ADAMTS2: variants seen among roughly 807,000 people sequenced by gnomAD.
ADAMTS2 encodes the protein ADAM metallopeptidase with thrombospondin type 1 motif 2, also known as A disintegrin and metalloproteinase with thrombospondin motifs 2.
A neutral mutation model predicts 123.0 loss-of-function variants in ADAMTS2; 50 were observed. The observed-to-expected ratio is 0.41, with a 90% CI of 0.32 to 0.51. ADAMTS2 has a LOEUF of 0.51. Among genes scored for constraint, ADAMTS2 ranks in the 20% least tolerant of loss-of-function variants. ADAMTS2 has a pLI of 0.35. For missense variants in ADAMTS2, 1,494 were observed against 1,705.2 expected (o/e 0.88, Z 2.18); for synonymous variants, 678 against 695.4 (o/e 0.98, Z 0.39).
At position 179,129,006 on chromosome 5, in the gene ADAMTS2, T is replaced by C. The variant is rs1371312395; in HGVS notation, c.2458-888A>G. 6.6e-6 allele frequency among the ~76,000 whole-genome samples: 1 copy of C among 152,166 alleles called. No homozygotes were observed. Among genetic ancestry groups the C allele is most frequent in the East Asian group, 1.9e-4 (1 of 5,186 alleles). On this transcript the variant is annotated intron_variant, in intron 16 of 21. Transcript: ENST00000251582. This position sits in a 1 kb window ranked among gnomAD's most constrained non-coding sequence, Gnocchi z 4.1. ...GAAACAAGCAGACAGCGTGCTGAGT[T>C]GCTCCCACCTCCGCTGGGAACACGT...
chr5:179,329,127 A>G (rs894067479), intron 2 of ADAMTS2, among the ~76,000 whole-genome samples: 40 of 152,230 alleles, frequency 2.6e-4, no homozygotes, highest in Non-Finnish European at 4.0e-4. Flanking sequence ...GGAGATGGAG[A>G]CCATCCTGGC....
Position 179,207,506 on chromosome 5 carries a change from C to CCCCCCACAAA in ADAMTS2, c.891+6_891+7insTTTGTGGGGG. The CCCCCCACAAA allele has an allele frequency of 6.2e-7, 1 of 1,607,722 alleles. No individual in the cohort carries two copies. The highest frequency in any genetic ancestry group is 2.2e-5 in the East Asian group (1 of 44,796). On this transcript the variant is annotated splice_region_variant and intron_variant, in intron 4 of 21. Transcript: ENST00000251582. ...CCCCACCCTGCCCCCTCAGCCACCC[C>CCCCCCACAAA]ACTCACAATGTTCATGAGTGTCAGC...
intron 2 of ADAMTS2, among the ~76,000 whole-genome samples, chr5:179,309,310 C>T (rs574567210): frequency 5.1e-4 from 77 of 152,326 alleles, no homozygotes; most frequent in African/African-American, 1.8e-3. Flanking sequence ...GGAGAAAGGC[C>T]ACCTCTTCGG....
At chr5:179,190,072 GT>G (rs1410537878) in intron 4 of ADAMTS2, among the ~76,000 whole-genome samples, 4 of 152,196 alleles carry the variant, frequency 2.6e-5, no homozygotes, top group African/African-American at 9.7e-5. Context: ...TGGATCTTCA[GT>G]TGTTTCAGGC....
chr5:179,320,171 A>T (rs1757121619), intron 2 of ADAMTS2, among the ~76,000 whole-genome samples: 1 of 152,098 alleles, frequency 6.6e-6, no homozygotes. Flanking sequence ...CTCCCGCTCC[A>T]TGTCTGCCTC....
rs1244863206 is a variant in ADAMTS2 at position 179,272,599 on chromosome 5, G to C, written c.688+312C>G. Among the ~76,000 whole-genome samples, 1 of 152,154 alleles carries C rather than the reference G, an allele frequency of 6.6e-6. No individual in the cohort carries two copies. Among genetic ancestry groups the C allele is most frequent in the Non-Finnish European group, 1.5e-5 (1 of 68,016 alleles). ...CCGCCCCGCTCCACGACACTTGCTT[G>C]CCTTTAGGCAACAGAAGATGGGCCC... On this transcript the variant is annotated intron_variant, in intron 3 of 21. Transcript: ENST00000251582. This position sits in a 1 kb window ranked among gnomAD's most constrained non-coding sequence, Gnocchi z 5.8.
chr5:179,278,192 C>G (rs930034445), intron 2 of ADAMTS2, among the ~76,000 whole-genome samples: 16 of 143,106 alleles, frequency 1.1e-4, no homozygotes, highest in African/African-American at 3.7e-4. Context: ...GCTGACCCCC[C>G]CAAGACCATC....
chr5:179,259,691 C>A (rs1010387860), intron 3 of ADAMTS2, among the ~76,000 whole-genome samples: 6 of 152,254 alleles, frequency 3.9e-5, no homozygotes. Context: ...ACAGGGCCAT[C>A]TTCCTCGCCA....
At chr5:179,141,068 G>GTGGAT (rs1763159367) in intron 10 of ADAMTS2, among the ~76,000 whole-genome samples, 1 of 151,774 alleles carries the variant, frequency 6.6e-6, no homozygotes. Context: ...ACCTGCCTCA[G>GTGGAT]CCTTCCAAAG....
intron 4 of ADAMTS2, among the ~76,000 whole-genome samples, chr5:179,186,031 C>G (rs1450940949): frequency 6.6e-6 from 1 of 152,108 alleles, no homozygotes; most frequent in Non-Finnish European, 1.5e-5. Flanking sequence ...GTCCCTTCCT[C>G]CCTTCCACAC....
In ADAMTS2 at chr5:179,271,501, G is replaced by A. The variant is rs549885453; in HGVS notation, c.688+1410C>T. Among the ~76,000 whole-genome samples, 9 of 152,346 alleles carry A rather than the reference G, an allele frequency of 5.9e-5. No homozygotes were observed. The South Asian group carries it at 6.2e-4, about 11-fold the overall frequency. ...GGAGCAAAGCTGGGGCCCTGCCCCC[G>A]GGTCTGGAGCACTCGCTCAGCCCCT... On this transcript the variant is annotated intron_variant, in intron 3 of 21. Transcript: ENST00000251582.
chr5:179,145,296 G>A (rs1362651001), intron 10 of ADAMTS2, among the ~76,000 whole-genome samples: 4 of 152,150 alleles, frequency 2.6e-5, no homozygotes, highest in African/African-American at 9.7e-5. Flanking sequence ...TGTAAAACAG[G>A]CTGCTTTGGG....
chr5:179,167,436 C>A (rs1763725510), intron 5 of ADAMTS2, among the ~76,000 whole-genome samples: 2 of 152,250 alleles, frequency 1.3e-5, no homozygotes, highest in East Asian at 1.9e-4. Context: ...GCAAAAAGTT[C>A]TGTTCCAATC....
At chr5:179,230,127 C>T (rs535434721) in intron 3 of ADAMTS2, among the ~76,000 whole-genome samples, 24 of 152,312 alleles carry the variant, frequency 1.6e-4, no homozygotes, top group Non-Finnish European at 2.9e-4. Flanking sequence ...CCAGAGGAAA[C>T]ATATCACCGG....
intron 2 of ADAMTS2, among the ~76,000 whole-genome samples, chr5:179,282,948 G>C (rs906002166): frequency 6.6e-6 from 1 of 152,148 alleles, no homozygotes; most frequent in Non-Finnish European, 1.5e-5. Flanking sequence ...AACCAGGTGA[G>C]CCACTGTGAG....
intron 2 of ADAMTS2, among the ~76,000 whole-genome samples, chr5:179,316,930 C>T (rs544881567): frequency 1.3e-5 from 2 of 151,452 alleles, no homozygotes; most frequent in Non-Finnish European, 2.9e-5. Flanking sequence ...GAGAGCAAGA[C>T]CCTGTCTCAA....
chr5:179,134,755 CAG>C, intron 13 of ADAMTS2, among the ~76,000 whole-genome samples: 1 of 149,246 alleles, frequency 6.7e-6, no homozygotes, highest in Non-Finnish European at 1.5e-5. Context: ...CTCCCGGCTC[CAG>C]CTCCAGCTCC....
At chr5:179,292,744 A>G (rs1026623758) in intron 2 of ADAMTS2, among the ~76,000 whole-genome samples, 3 of 152,044 alleles carry the variant, frequency 2.0e-5, no homozygotes, top group Non-Finnish European at 4.4e-5. Context: ...TACATCTGAG[A>G]GAGAAGCCCA....
chr5:179,180,816 G>A lies in ADAMTS2; in HGVS notation c.975+256C>T, dbSNP rs1001362837. Among the ~76,000 whole-genome samples, 8 of 152,154 alleles carry A rather than the reference G, an allele frequency of 5.3e-5. No homozygotes were observed. Among genetic ancestry groups the A allele is most frequent in the African/African-American group, 1.7e-4 (7 of 41,442 alleles). On this transcript the variant is annotated intron_variant, in intron 5 of 21. Transcript: ENST00000251582. The surrounding 1 kb of genome is among the most constrained non-coding windows in gnomAD (Gnocchi z 4.6). Reference sequence around the variant, plus strand: ...CCTGGTGCCTCCCTGTGTGGCCCCCGTGGCCTGGTATGTCTCTTCCTCTTG... The same window carrying A: ...CCTGGTGCCTCCCTGTGTGGCCCCCATGGCCTGGTATGTCTCTTCCTCTTG...
Sources: allele counts gnomAD v4.1 joint callset (sites outside exome capture counted in the v4.1 genomes callset), GRCh38; gene constraint gnomAD v4.1.1; non-coding constraint Gnocchi (gnomAD v3.1); transcripts MANE v1.5; gene names NCBI Gene and HGNC (gene_info 2026-07-23, HGNC 2026-07-21).